Variants in PTPRN2 observed in about 807,000 individuals in gnomAD.
The protein encoded by PTPRN2 is receptor-type tyrosine-protein phosphatase N2.
In PTPRN2, 74 loss-of-function variants were observed where a neutral mutation model predicts 118.8. The observed-to-expected ratio is 0.62, with a 90% CI of 0.52 to 0.76. The LOEUF (loss-of-function observed/expected upper bound fraction) is 0.76. Among genes scored for constraint, PTPRN2 ranks in the 30% least tolerant of loss-of-function variants. The pLI, the probability that PTPRN2 is intolerant of heterozygous loss-of-function variation, is 0.00. For missense variants in PTPRN2, 1,481 were observed against 1,394.4 expected, an observed-to-expected ratio of 1.06 and a Z score of -0.99; for synonymous variants, 641 against 608.0, an observed-to-expected ratio of 1.05 and a Z score of -0.80.
chr7:158,526,173 G>A lies in PTPRN2; in HGVS notation c.113-36388C>T, dbSNP rs115321473. 2.6e-5 allele frequency among the ~76,000 whole-genome samples: 4 copies of A among 152,280 alleles called. No individual in the cohort carries two copies. The highest frequency in any genetic ancestry group is 2.1e-4 in the South Asian group (1 of 4,826). On this transcript the variant is annotated intron_variant, in intron 1 of 22. Transcript: ENST00000389418. The surrounding 1 kb of genome is among the most constrained non-coding windows in gnomAD (Gnocchi z 5.2). ...GGGGAGCCACATCAGGCAGACACAC[G>A]GCTCCTGGTGTTGGCAGGGTGCCGG... is the stretch of plus-strand genomic sequence containing the variant.
chr7:158,472,642 C>A (rs1367694908), intron 2 of PTPRN2, among the ~76,000 whole-genome samples: 2 of 152,166 alleles, frequency 1.3e-5, no homozygotes, highest in Non-Finnish European at 2.9e-5. Flanking sequence ...GAACATCACC[C>A]ATCAGTTAGA....
chr7:158,102,901 G>A (rs1815357003), intron 10 of PTPRN2, among the ~76,000 whole-genome samples: 1 of 152,124 alleles, frequency 6.6e-6, no homozygotes, highest in Non-Finnish European at 1.5e-5. Flanking sequence ...AGACCCGGGA[G>A]GACACACCCC....
intron 14 of PTPRN2, among the ~76,000 whole-genome samples, chr7:157,642,622 GA>G (rs1395298486): frequency 6.6e-6 from 1 of 152,060 alleles, no homozygotes; most frequent in Non-Finnish European, 1.5e-5. Flanking sequence ...GCACTTTCCA[GA>G]CCTGACTTTA....
intron 13 of PTPRN2, among the ~76,000 whole-genome samples, chr7:157,668,859 C>T (rs909663535): frequency 6.6e-5 from 10 of 152,088 alleles, no homozygotes; most frequent in Admixed American, 5.2e-4. Context: ...GGTTGTTAAA[C>T]GGGGTCATGT....
chr7:158,364,876 G>A (rs977191529), intron 2 of PTPRN2, among the ~76,000 whole-genome samples: 6 of 152,130 alleles, frequency 3.9e-5, no homozygotes, highest in South Asian at 4.1e-4. Flanking sequence ...AAGAAATAAC[G>A]GAACGGCATG....
At chr7:157,853,266 C>T (rs138478555) in intron 12 of PTPRN2, among the ~76,000 whole-genome samples, 1,593 of 152,218 alleles carry the variant, frequency 0.01, 32 homozygotes, top group African/African-American at 0.032. Flanking sequence ...CACATGATGA[C>T]GGCCGAGCCG....
chr7:157,898,021 T>A (rs2128751358), intron 12 of PTPRN2, among the ~76,000 whole-genome samples: 1 of 152,374 alleles, frequency 6.6e-6, no homozygotes, highest in South Asian at 2.1e-4. Context: ...ACAGCGGCCA[T>A]CGGCGCGGTG....
chr7:157,728,212 G>T (rs74494722), intron 12 of PTPRN2, among the ~76,000 whole-genome samples: 1 of 152,232 alleles, frequency 6.6e-6, no homozygotes, highest in East Asian at 1.9e-4. Context: ...ACTCTGCCGC[G>T]CGGTCTCCTC....
intron 22 of PTPRN2, among the ~76,000 whole-genome samples, chr7:157,546,204 G>A (rs925179011): frequency 3.3e-5 from 5 of 152,138 alleles, no homozygotes; most frequent in Admixed American, 1.3e-4. Flanking sequence ...TGCAGAAAAC[G>A]GAGCTTCGGG....
intron 2 of PTPRN2, among the ~76,000 whole-genome samples, chr7:158,384,328 C>A (rs548312374): frequency 6.6e-6 from 1 of 152,298 alleles, no homozygotes; most frequent in East Asian, 1.9e-4. Flanking sequence ...CTCAGGAGCA[C>A]AACACAGGGC....
At chr7:158,241,855 C>T (rs567464310) in intron 3 of PTPRN2, among the ~76,000 whole-genome samples, 9 of 152,112 alleles carry the variant, frequency 5.9e-5, no homozygotes, top group African/African-American at 1.9e-4. Context: ...ACAGATGGCT[C>T]GAATGTTCCC....
chr7:158,409,342 C>G (rs950303831), intron 2 of PTPRN2, among the ~76,000 whole-genome samples: 1 of 152,182 alleles, frequency 6.6e-6, no homozygotes, highest in African/African-American at 2.4e-5. Context: ...AGTGAGCAGG[C>G]TGGGGAGGTG....
intron 2 of PTPRN2, among the ~76,000 whole-genome samples, chr7:158,460,836 C>G (rs1161211493): frequency 6.6e-6 from 1 of 152,204 alleles, no homozygotes; most frequent in Non-Finnish European, 1.5e-5. Context: ...GCAAAGCCTG[C>G]CTAGAAATAT....
At chr7:157,847,341 T>C (rs1460759158) in intron 12 of PTPRN2, among the ~76,000 whole-genome samples, 20 of 103,028 alleles carry the variant, frequency 1.9e-4, no homozygotes, top group East Asian at 3.6e-4. Context: ...CCCTCTCTCA[T>C]TACATCTTCT....
intron 5 of PTPRN2, among the ~76,000 whole-genome samples, chr7:158,176,628 ACTGT>A (rs1824232723): frequency 6.6e-6 from 1 of 152,160 alleles, no homozygotes; most frequent in African/African-American, 2.4e-5. Flanking sequence ...CAGGGACAGG[ACTGT>A]CTGGGAGGAA....
chr7:158,002,872 TG>T (rs577512758), intron 11 of PTPRN2, among the ~76,000 whole-genome samples: 213 of 152,266 alleles, frequency 1.4e-3, no homozygotes, highest in Middle Eastern at 3.4e-3. Context: ...CACCCTGGCG[TG>T]GACACGGCTG....
intron 6 of PTPRN2, among the ~76,000 whole-genome samples, chr7:158,139,534 C>T (rs772579572): frequency 8.6e-5 from 13 of 151,940 alleles, no homozygotes; most frequent in Non-Finnish European, 1.8e-4. Context: ...AAAGAAAGCC[C>T]ACAAGTCTCT....
At chr7:158,380,646 TG>T (rs1430604081) in intron 2 of PTPRN2, among the ~76,000 whole-genome samples, 4 of 152,216 alleles carry the variant, frequency 2.6e-5, no homozygotes, top group East Asian at 3.9e-4. Flanking sequence ...TCTACCATTT[TG>T]GGGTCTGGAG....
chr7:158,147,798 C>G (rs1386809178), intron 6 of PTPRN2, among the ~76,000 whole-genome samples: 1 of 127,394 alleles, frequency 7.8e-6, no homozygotes, highest in Non-Finnish European at 1.6e-5. Flanking sequence ...CACTGACACC[C>G]CATTTCACGC....
Sources: gnomAD v4.1 joint callset for allele counts (sites outside exome capture counted in the v4.1 genomes callset) on GRCh38, gnomAD v4.1.1 for gene constraint, Gnocchi (gnomAD v3.1) non-coding constraint, MANE v1.5 for transcripts, NCBI Gene and HGNC (gene_info 2026-07-23, HGNC 2026-07-21) for gene names.